Variants in AOPEP observed in about 807,000 individuals in gnomAD.
AOPEP encodes aminopeptidase O.
In AOPEP, 77 loss-of-function variants were observed where a neutral mutation model predicts 98.1. That is an observed-to-expected ratio of 0.78 (90% CI 0.65 to 0.95). The LOEUF is 0.95. AOPEP is among the 40% of genes least tolerant of loss of function. The probability of loss-of-function intolerance (pLI) is 0.00; values close to 1 mark genes in which losing one functional copy is unlikely to be tolerated. For synonymous variants in AOPEP, 346 were observed against 365.3 expected (o/e 0.95, Z 0.60); for missense variants, 1,024 against 1,024.7 (o/e 1.00, Z 0.01).
the AOPEP span, among the ~76,000 whole-genome samples, chr9:95,113,419 G>A: frequency 6.6e-6 from 1 of 152,156 alleles, no homozygotes; most frequent in African/African-American, 2.4e-5. Context: ...AGAGTGTTAT[G>A]ATACAAGGAA....
chr9:95,048,805 CGTGTTTTATTTACCA>C (rs2066082446), intron 13 of AOPEP: 1 of 152,174 alleles, frequency 6.6e-6, no homozygotes, highest in Non-Finnish European at 1.5e-5. Flanking sequence ...TGATTTCGTG[CGTGTTTTATTTACCA>C]GGCCTTCAAA....
chr9:94,917,670 A>G (rs1228240223), intron 5 of AOPEP, among the ~76,000 whole-genome samples: 1 of 152,148 alleles, frequency 6.6e-6, no homozygotes, highest in Non-Finnish European at 1.5e-5. Context: ...GCCCTATAGT[A>G]TCACTGCTAC....
At chr9:94,882,016 G>A (rs1162239540) in intron 5 of AOPEP, among the ~76,000 whole-genome samples, 1 of 152,142 alleles carries the variant, frequency 6.6e-6, no homozygotes, top group South Asian at 2.1e-4. Context: ...AAGCTCTTAT[G>A]AGTAAATTTT....
intron 5 of AOPEP, among the ~76,000 whole-genome samples, chr9:94,827,237 A>G (rs1484424950): frequency 6.6e-6 from 1 of 152,330 alleles, no homozygotes; most frequent in Non-Finnish European, 1.5e-5. Flanking sequence ...GCTTAACCAC[A>G]TTCTAGGAAC....
Position 94,759,764 on chromosome 9 carries a change from C to T in AOPEP, c.-20C>T, listed in dbSNP as rs545258644. 2.3e-5 allele frequency: 36 copies of T among 1,585,172 alleles called. No homozygotes were observed. In the South Asian group the frequency reaches 3.1e-4, roughly 14 times the overall value. The stretch of plus-strand genomic sequence containing the variant: ...CCCCATCTGAGATTTTAATAAATCC[C>T]TCAAACAATAAACCACATCATGGAC... On this transcript the variant is annotated 5_prime_UTR_variant, in exon 2 of 17. Coordinates refer to ENST00000375315, the MANE Select transcript of AOPEP (RefSeq NM_001193329.3).
At chr9:95,094,757 C>T in the AOPEP span, among the ~76,000 whole-genome samples, 5 of 152,220 alleles carry the variant, frequency 3.3e-5, no homozygotes, top group African/African-American at 9.7e-5. Context: ...CCTCTGCCTC[C>T]TGGGTTCAAG....
intron 5 of AOPEP, among the ~76,000 whole-genome samples, chr9:94,851,889 T>G (rs945516361): frequency 6.6e-5 from 10 of 151,362 alleles, no homozygotes; most frequent in African/African-American, 2.4e-4. Flanking sequence ...GCCCAGACAT[T>G]GGTGCTTTAT....
At chr9:94,737,098 CA>C (rs1161086418) in intron 1 of AOPEP, among the ~76,000 whole-genome samples, 2 of 148,370 alleles carry the variant, frequency 1.3e-5, no homozygotes, top group Non-Finnish European at 1.5e-5. Context: ...ATAAGTAGGC[CA>C]AAAACATGGA....
At chr9:94,818,001 A>G (rs1852078395) in intron 5 of AOPEP, among the ~76,000 whole-genome samples, 1 of 152,222 alleles carries the variant, frequency 6.6e-6, no homozygotes, top group Non-Finnish European at 1.5e-5. Flanking sequence ...GCCACTGCAC[A>G]GTACAAGCTA....
Position 95,026,553 on chromosome 9 carries a change from C to G in AOPEP, c.2115+20937C>G, listed in dbSNP as rs146450235. Among the ~76,000 whole-genome samples the G allele has an allele frequency of 3.9e-5, 6 of 152,312 alleles. No individual in the cohort carries two copies. The East Asian group carries it at 1.2e-3, about 29-fold the overall frequency. ...GTTCCCTTTATTCCTGGACAGTATT[C>G]CATTTTATGGTTACACCACATTTTA... On this transcript the variant is annotated intron_variant, in intron 13 of 16. Transcript: ENST00000375315.
intron 2 of AOPEP, among the ~76,000 whole-genome samples, chr9:94,768,290 C>A (rs1057509942): frequency 1.3e-5 from 2 of 152,120 alleles, no homozygotes; most frequent in South Asian, 2.1e-4. Context: ...ACAGTAGTAA[C>A]CAGGTCTCAG....
intron 11 of AOPEP, among the ~76,000 whole-genome samples, chr9:94,997,979 A>AT (rs371816448): frequency 4.6e-5 from 7 of 152,268 alleles, no homozygotes; most frequent in African/African-American, 1.7e-4. Context: ...CATTACAGGC[A>AT]TGAGCCACCA....
chr9:95,117,273 C>A, the AOPEP span: 7 of 1,571,920 alleles, frequency 4.5e-6, no homozygotes, highest in Non-Finnish European at 6.1e-6. Flanking sequence ...ATGCTCTTCC[C>A]AGGAAATCAT....
Position 94,924,264 on chromosome 9 carries a change from C to T in AOPEP, c.1554+89C>T, listed in dbSNP as rs78076907. On this transcript the variant is annotated intron_variant, in intron 6 of 16. Transcript: ENST00000375315. ...TCACCCAACAGCTATGGACTGAGGGCCTACTATGCACTAGGCACAAATTTT... is the reference window on the plus strand; with the variant it reads ...TCACCCAACAGCTATGGACTGAGGGTCTACTATGCACTAGGCACAAATTTT... 5.0e-5 allele frequency: 57 copies of T among 1,131,776 alleles called. No individual in the cohort carries two copies. In the East Asian group the frequency reaches 1.8e-3, roughly 35 times the overall value. The allele number at this position is 1,131,776 out of a possible 1,614,324, so 70.1% of individuals were successfully genotyped here.
At chr9:94,790,841 T>C (rs1021210980) in intron 3 of AOPEP, among the ~76,000 whole-genome samples, 1 of 151,708 alleles carries the variant, frequency 6.6e-6, no homozygotes, top group African/African-American at 2.4e-5. Context: ...AGCTCTGAAT[T>C]TGACATCCAA....
chr9:94,933,371 T>C, intron 7 of AOPEP: 2 of 985,446 alleles, frequency 2.0e-6, no homozygotes, highest in Non-Finnish European at 2.4e-6. Flanking sequence ...TGTTGTTTTT[T>C]TATTGTTTGT....
chr9:94,768,009 C>T (rs1293313306), intron 2 of AOPEP, among the ~76,000 whole-genome samples: 1 of 151,892 alleles, frequency 6.6e-6, no homozygotes, highest in African/African-American at 2.4e-5. Context: ...GGGTTGCTCA[C>T]GTATAATGGA....
chr9:94,933,441 G>A, intron 7 of AOPEP: 1 of 985,398 alleles, frequency 1.0e-6, no homozygotes, highest in Non-Finnish European at 1.2e-6. Context: ...TCCTGCTGAG[G>A]AAAACGTTAA....
At chr9:95,102,305 C>A in the AOPEP span, among the ~76,000 whole-genome samples, 1 of 152,188 alleles carries the variant, frequency 6.6e-6, no homozygotes, top group African/African-American at 2.4e-5. Flanking sequence ...CCCTGGCATC[C>A]CTGGGCTAGC....
Sources: gnomAD v4.1 joint callset for allele counts (sites outside exome capture counted in the v4.1 genomes callset) on GRCh38, gnomAD v4.1.1 for gene constraint, MANE v1.5 for transcripts, NCBI Gene and HGNC (gene_info 2026-07-23, HGNC 2026-07-21) for gene names.